The following LHFPL4 variants were observed in gnomAD, a reference collection of about 807,000 sequenced individuals.
LHFPL4 encodes LHFPL tetraspan subfamily member 4, also known as LHFPL tetraspan subfamily member 4 protein.
Under a neutral mutation model 20.0 loss-of-function variants are expected in LHFPL4, and 6 were observed. The ratio of observed to expected loss-of-function variants is 0.30; its 90% CI spans 0.16 to 0.59. The LOEUF (loss-of-function observed/expected upper bound fraction) is 0.59, where lower values mean the gene tolerates loss of function less well. LHFPL4 is among the 20% of genes least tolerant of loss of function. The probability of loss-of-function intolerance (pLI) is 0.88; values close to 1 mark genes in which losing one functional copy is unlikely to be tolerated. For missense variants in LHFPL4, 215 were observed against 331.2 expected, an observed-to-expected ratio of 0.65 and a Z score of 2.72; for synonymous variants, 129 against 143.8, an observed-to-expected ratio of 0.90 and a Z score of 0.74.
At chr3:9,551,137 A>C (rs1179513376) in intron 2 of LHFPL4, 1 of 152,230 alleles carries the variant, frequency 6.6e-6, no homozygotes, top group East Asian at 1.9e-4. Context: ...AATTCCCTGC[A>C]ATGCTCTGAA....
At chr3:9,507,786 T>C (rs145827498) in intron 2 of LHFPL4, among the ~76,000 whole-genome samples, 260 of 152,274 alleles carry the variant, frequency 1.7e-3, no homozygotes, top group African/African-American at 6.0e-3. Context: ...TGCACTCCTC[T>C]GGTAAGAGTG....
chr3:9,537,653 T>C (rs965041613), intron 2 of LHFPL4, among the ~76,000 whole-genome samples: 2 of 152,272 alleles, frequency 1.3e-5, no homozygotes, highest in Middle Eastern at 3.4e-3. Context: ...TGCAGACATG[T>C]GGCCTTCCTC....
At chr3:9,547,497 C>T (rs750439851) in intron 2 of LHFPL4, among the ~76,000 whole-genome samples, 1 of 152,210 alleles carries the variant, frequency 6.6e-6, no homozygotes, top group South Asian at 2.1e-4. Context: ...CAAACAGGTT[C>T]TAGATCTGTA....
intron 2 of LHFPL4, among the ~76,000 whole-genome samples, chr3:9,548,755 C>T (rs577534208): frequency 2.8e-4 from 43 of 152,242 alleles, no homozygotes; most frequent in African/African-American, 1.0e-3. Context: ...TGTGTGGTTC[C>T]AGGGATAGGC....
chr3:9,512,945 TTTTGTTTG>T (rs371214083), intron 2 of LHFPL4, among the ~76,000 whole-genome samples: 9 of 151,978 alleles, frequency 5.9e-5, no homozygotes, highest in South Asian at 4.1e-4. Flanking sequence ...TAGGACATTT[TTTTGTTTG>T]TTTGTTTGTT....
intron 2 of LHFPL4, among the ~76,000 whole-genome samples, chr3:9,523,414 AAAAG>A (rs1232201809): frequency 6.9e-6 from 1 of 145,522 alleles, no homozygotes; most frequent in East Asian, 2.0e-4. Context: ...AAGAAAAAGA[AAAAG>A]AAAAGTCTGT....
intron 2 of LHFPL4, among the ~76,000 whole-genome samples, chr3:9,522,856 A>G (rs1377783887): frequency 2.0e-5 from 3 of 151,252 alleles, no homozygotes; most frequent in African/African-American, 4.9e-5. Flanking sequence ...CCTGGCTAAC[A>G]CAGTGAAACC....
At chr3:9,521,877 T>C (rs537433040) in intron 2 of LHFPL4, among the ~76,000 whole-genome samples, 1 of 152,302 alleles carries the variant, frequency 6.6e-6, no homozygotes, top group South Asian at 2.1e-4. Flanking sequence ...ACCATTATAT[T>C]CAAAATGATT....
intron 2 of LHFPL4, among the ~76,000 whole-genome samples, chr3:9,513,553 G>C (rs775459197): frequency 4.6e-5 from 7 of 152,016 alleles, no homozygotes; most frequent in African/African-American, 1.5e-4. Context: ...GGCTGGTCTC[G>C]AACTCCTGGC....
chr3:9,531,478 G>A (rs563357169), intron 2 of LHFPL4, among the ~76,000 whole-genome samples: 176 of 152,292 alleles, frequency 1.2e-3, no homozygotes, highest in African/African-American at 4.2e-3. Context: ...GGGGGAGAGA[G>A]GGAAGGAGGC....
chr3:9,516,447 C>T (rs776491169), intron 2 of LHFPL4, among the ~76,000 whole-genome samples: 10 of 151,918 alleles, frequency 6.6e-5, no homozygotes, highest in Admixed American at 1.3e-4. Context: ...TCAATTTGCC[C>T]GTTCTTTCAC....
intron 2 of LHFPL4, among the ~76,000 whole-genome samples, chr3:9,522,288 C>T (rs2046342789): frequency 6.6e-6 from 1 of 152,002 alleles, no homozygotes; most frequent in African/African-American, 2.4e-5. Context: ...GCCACTGTGC[C>T]CGGCCAAGTA....
At chr3:9,552,233 C>T in intron 2 of LHFPL4, 41 bp downstream of exon 2, 4 of 1,549,534 alleles carry the variant, frequency 2.6e-6, no homozygotes, top group Non-Finnish European at 3.5e-6. Context: ...AGCCCCGTCC[C>T]TGGCGCTTGT....
chr3:9,543,024 C>T (rs2125666767), intron 2 of LHFPL4, among the ~76,000 whole-genome samples: 1 of 152,120 alleles, frequency 6.6e-6, no homozygotes, highest in East Asian at 1.9e-4. Context: ...GGTTGCATAA[C>T]TCCATGAATG....
At chr3:9,504,839 A>G (rs1039244508) in intron 3 of LHFPL4, among the ~76,000 whole-genome samples, 2 of 145,968 alleles carry the variant, frequency 1.4e-5, no homozygotes, top group Admixed American at 1.4e-4. Flanking sequence ...AAAAAAAAAT[A>G]CTGCCACAAA....
chr3:9,512,230 T>C (rs1333808431), intron 2 of LHFPL4, among the ~76,000 whole-genome samples: 1 of 152,194 alleles, frequency 6.6e-6, no homozygotes, highest in Non-Finnish European at 1.5e-5. Context: ...CGCGCCGGCC[T>C]ACATGGCAAT....
intron 2 of LHFPL4, among the ~76,000 whole-genome samples, chr3:9,535,655 G>A (rs1237291630): frequency 6.6e-6 from 1 of 152,136 alleles, no homozygotes; most frequent in African/African-American, 2.4e-5. Context: ...GTTTGTGTCC[G>A]CTGACAGTCC....
Position 9,506,002 on chromosome 3 carries a change from T to C in LHFPL4, c.608A>G (p.Asp203Gly), listed in dbSNP as rs1470022435. 1.9e-6 allele frequency: 3 copies of C among 1,614,022 alleles called. No homozygotes were observed. Among genetic ancestry groups the C allele is most frequent in the Non-Finnish European group, 2.5e-6 (3 of 1,180,036 alleles). Residue 203 changes from aspartate (D) to glycine (G), a missense_variant, in exon 3 of 4, where the codon GAC (aspartate) becomes GGC (glycine). Transcript: ENST00000287585. This position sits in a 1 kb window ranked among gnomAD's most constrained non-coding sequence, Gnocchi z 4.5. ...LAFVLGNRQT[D>G]LLQEELKPEN... is the part of the protein sequence containing the mutation. Reference sequence around the variant, plus strand: ...CGGCTTGAGCTCCTCCTGCAGCAGGTCTGTTTGCCGGTTGCCCAGCACGAA... The same window carrying C: ...CGGCTTGAGCTCCTCCTGCAGCAGGCCTGTTTGCCGGTTGCCCAGCACGAA...
intron 2 of LHFPL4, among the ~76,000 whole-genome samples, chr3:9,512,177 C>T (rs1233230979): frequency 6.6e-6 from 1 of 152,170 alleles, no homozygotes; most frequent in East Asian, 1.9e-4. Context: ...GTGATCCACC[C>T]GCCTTGGCCT....
Sources: gnomAD v4.1 joint callset for allele counts (sites outside exome capture counted in the v4.1 genomes callset) on GRCh38, gnomAD v4.1.1 for gene constraint, Gnocchi (gnomAD v3.1) non-coding constraint, MANE v1.5 for transcripts, NCBI Gene and HGNC (gene_info 2026-07-23, HGNC 2026-07-21) for gene names.